The following MTDH variants were observed in gnomAD, a reference collection of about 807,000 sequenced individuals.
MTDH encodes protein LYRIC.
In MTDH, 34 loss-of-function variants were observed where a neutral mutation model predicts 72.7. That is an observed-to-expected ratio of 0.47 (90% CI 0.36 to 0.62). The LOEUF (loss-of-function observed/expected upper bound fraction) is 0.62. Ranked by LOEUF, MTDH falls within the 20% of genes least tolerant of loss-of-function variation. The pLI is 0.00. For synonymous variants in MTDH, 266 were observed against 268.9 expected, an observed-to-expected ratio of 0.99 and a Z score of 0.10; for missense variants, 677 against 699.4, an observed-to-expected ratio of 0.97 and a Z score of 0.36.
At chr8:97,724,493 G>A (rs1815278873) in intron 11 of MTDH, 107 bp from the exon 12 acceptor site, 1 of 731,412 alleles carries the variant, frequency 1.4e-6, no homozygotes, top group Admixed American at 2.9e-5. Context: ...TAAAATTTGA[G>A]TATTTTAAAA....
chr8:97,717,682 G>T (rs1204607261), intron 9 of MTDH, among the ~76,000 whole-genome samples: 2 of 149,592 alleles, frequency 1.3e-5, no homozygotes, highest in Non-Finnish European at 3.0e-5. Flanking sequence ...AATTATTAGG[G>T]CAAATTTTAC....
intron 8 of MTDH, among the ~76,000 whole-genome samples, chr8:97,707,299 G>A (rs1015906663): frequency 2.6e-5 from 4 of 151,552 alleles, no homozygotes; most frequent in East Asian, 1.9e-4. Flanking sequence ...TTACTAGCCC[G>A]ACACTATGCC....
At position 97,722,912 on chromosome 8, in the gene MTDH, G is replaced by C; in HGVS notation, c.1555G>C (p.Glu519Gln). The C allele has an allele frequency of 6.2e-7, 1 of 1,612,642 alleles. No individual in the cohort carries two copies. The highest frequency in any genetic ancestry group is 8.5e-7 in the Non-Finnish European group (1 of 1,179,342). ...GACTCTTCCACCTGCTACTTCTACC[G>C]AGCCATCTGTAATCTTATCAAAAAG... ...IKTLPPATST[E>Q]PSVILSKSDS... The change falls in exon 11 of 12, where the codon GAG becomes CAG. Residue 519 changes from glutamate (E) to glutamine (Q), a missense_variant. By Grantham distance (29) the Glu-to-Gln change is conservative. Transcript: ENST00000336273.
At chr8:97,711,944 G>A (rs1814656302) in intron 8 of MTDH, among the ~76,000 whole-genome samples, 2 of 152,212 alleles carry the variant, frequency 1.3e-5, no homozygotes, top group African/African-American at 2.4e-5. Flanking sequence ...CAGCTGGCGT[G>A]TTTGCATTGA....
chr8:97,697,119 C>CAAAAAAAAAAAAAAAAAAA lies in MTDH; in HGVS notation c.1049-2624_1049-2623insAAAAAAAAAAAAAAAAAAA, dbSNP rs1176302781. Among the ~76,000 whole-genome samples, 155 of 62,460 alleles carry CAAAAAAAAAAAAAAAAAAA rather than the reference C, an allele frequency of 2.5e-3. 1 individual carries two copies. Among genetic ancestry groups the CAAAAAAAAAAAAAAAAAAA allele is most frequent in the Non-Finnish European group, 3.2e-3 (126 of 39,098 alleles). 41.0% of individuals were successfully genotyped at this position (62,460 alleles called of 152,430 possible). On this transcript the variant is annotated intron_variant, in intron 6 of 11. Transcript: ENST00000336273. ...GGTGACAGAGTGAGACTCTGTCTCACAAAAAAAAAAATATATATATATATA... is the reference window on the plus strand; with the variant it reads ...GGTGACAGAGTGAGACTCTGTCTCACAAAAAAAAAAAAAAAAAAAAAAAAAAAAAATATATATATATATA...
At chr8:97,664,720 CT>C (rs1760570098) in intron 2 of MTDH, among the ~76,000 whole-genome samples, 1 of 150,850 alleles carries the variant, frequency 6.6e-6, no homozygotes, top group Non-Finnish European at 1.5e-5. Flanking sequence ...TCTTTCTTTT[CT>C]TTCCCTTCTT....
chr8:97,693,224 G>A (rs976440420), intron 6 of MTDH, among the ~76,000 whole-genome samples: 6 of 151,248 alleles, frequency 4.0e-5, no homozygotes, highest in South Asian at 2.1e-4. Context: ...TTTTTTTTCC[G>A]CCTTTTCTAA....
At chr8:97,679,731 T>C (rs1294475788) in intron 2 of MTDH, among the ~76,000 whole-genome samples, 1 of 152,224 alleles carries the variant, frequency 6.6e-6, no homozygotes, top group Admixed American at 6.5e-5. Flanking sequence ...ACAAATATCT[T>C]GGGGTATATG....
At chr8:97,658,274 G>A (rs934692070) in intron 1 of MTDH, among the ~76,000 whole-genome samples, 10 of 152,208 alleles carry the variant, frequency 6.6e-5, no homozygotes, top group East Asian at 1.9e-4. Flanking sequence ...ATGTTGCAAA[G>A]AAGGAACTAA....
At chr8:97,723,334 C>CTT (rs1311408870) in intron 11 of MTDH, among the ~76,000 whole-genome samples, 2 of 150,926 alleles carry the variant, frequency 1.3e-5, no homozygotes, top group Non-Finnish European at 3.0e-5. Context: ...GGAGGCAGAG[C>CTT]TTGCAGTGAG....
intron 6 of MTDH, among the ~76,000 whole-genome samples, chr8:97,697,575 C>T (rs985652353): frequency 1.3e-5 from 2 of 151,660 alleles, no homozygotes; most frequent in African/African-American, 4.8e-5. Context: ...TTAGTAGAGA[C>T]AGTGTTTTAC....
chr8:97,683,153 C>G (rs1272998541), intron 2 of MTDH, among the ~76,000 whole-genome samples: 2 of 145,096 alleles, frequency 1.4e-5, no homozygotes, highest in African/African-American at 5.2e-5. Context: ...CAACCTCTGC[C>G]TCCCAGATTC....
chr8:97,712,279 C>T (rs2131064146), intron 8 of MTDH, among the ~76,000 whole-genome samples: 1 of 152,330 alleles, frequency 6.6e-6, no homozygotes, highest in Admixed American at 6.5e-5. Flanking sequence ...CTTAGGGGAT[C>T]CACCCGCCTT....
intron 1 of MTDH, among the ~76,000 whole-genome samples, chr8:97,652,094 T>C (rs1811794961): frequency 6.6e-6 from 1 of 152,242 alleles, no homozygotes; most frequent in Non-Finnish European, 1.5e-5. Context: ...AGCAGTAGCC[T>C]TCCTTTTACT....
intron 1 of MTDH, among the ~76,000 whole-genome samples, chr8:97,653,270 G>C (rs868115072): frequency 6.6e-6 from 1 of 152,064 alleles, no homozygotes; most frequent in Non-Finnish European, 1.5e-5. Context: ...AGTTTAAAAG[G>C]CAAAACAATA....
chr8:97,645,576 T>G (rs1811535193), intron 1 of MTDH, among the ~76,000 whole-genome samples: 1 of 152,182 alleles, frequency 6.6e-6, no homozygotes, highest in Non-Finnish European at 1.5e-5. Context: ...ACGAGTCTGT[T>G]GCACACTCTG....
chr8:97,665,555 C>T (rs1324208670), intron 2 of MTDH, among the ~76,000 whole-genome samples: 1 of 152,012 alleles, frequency 6.6e-6, no homozygotes, highest in Non-Finnish European at 1.5e-5. Context: ...AAAGGTTATC[C>T]TACTTGGGTA....
chr8:97,661,814 G>A (rs1244253471), intron 2 of MTDH, among the ~76,000 whole-genome samples: 1 of 151,128 alleles, frequency 6.6e-6, no homozygotes, highest in African/African-American at 2.4e-5. Context: ...GTGGTGGTAC[G>A]CACCTGTAGT....
intron 1 of MTDH, among the ~76,000 whole-genome samples, chr8:97,653,387 C>T (rs1396784762): frequency 6.6e-6 from 1 of 152,144 alleles, no homozygotes; most frequent in Non-Finnish European, 1.5e-5. Flanking sequence ...AGAGTTTTCC[C>T]AGTGAGTTAT....
Sources: allele counts gnomAD v4.1 joint callset (sites outside exome capture counted in the v4.1 genomes callset), GRCh38; gene constraint gnomAD v4.1.1; transcripts MANE v1.5; gene names NCBI Gene and HGNC (gene_info 2026-07-23, HGNC 2026-07-21).